STK32B: variants seen among roughly 807,000 people sequenced by gnomAD.
STK32B encodes the protein serine/threonine-protein kinase 32B.
In STK32B, 43 loss-of-function variants were observed where a neutral mutation model predicts 52.6. That is an observed-to-expected ratio of 0.82 (90% CI 0.64 to 1.05). STK32B has a LOEUF of 1.05. Ranked by LOEUF, STK32B falls within the 50% of genes least tolerant of loss-of-function variation. The probability of loss-of-function intolerance (pLI) is 0.00; values close to 1 mark genes in which losing one functional copy is unlikely to be tolerated. For missense variants in STK32B, 621 were observed against 534.6 expected (o/e 1.16, Z -1.59); for synonymous variants, 238 against 204.3 (o/e 1.17, Z -1.41).
intron 4 of STK32B, among the ~76,000 whole-genome samples, chr4:5,333,176 A>G (rs1250960568): frequency 6.6e-6 from 1 of 152,018 alleles, no homozygotes; most frequent in Non-Finnish European, 1.5e-5. Context: ...TGACTTTTTA[A>G]TGATTGCCAT....
intron 4 of STK32B, among the ~76,000 whole-genome samples, chr4:5,397,627 C>T (rs1222706946): frequency 6.6e-6 from 1 of 152,192 alleles, no homozygotes; most frequent in Non-Finnish European, 1.5e-5. Context: ...ATCTCTGTTG[C>T]GTGCTCCTCT....
the STK32B span, among the ~76,000 whole-genome samples, chr4:5,035,979 G>A: frequency 9.2e-5 from 14 of 151,814 alleles, no homozygotes; most frequent in African/African-American, 2.4e-4. Context: ...ACAGAGTTTC[G>A]CCATGTTGTT....
At chr4:5,137,934 G>GT (rs11434785) in intron 1 of STK32B, among the ~76,000 whole-genome samples, 34,441 of 152,044 alleles carry the variant, frequency 0.23, 5,792 homozygotes, top group African/African-American at 0.48. Context: ...CAGGGAACCC[G>GT]TGATGTTCAT....
intron 4 of STK32B, among the ~76,000 whole-genome samples, chr4:5,335,403 T>G (rs1318180823): frequency 6.6e-6 from 1 of 152,148 alleles, no homozygotes. Context: ...GGTCTATCAG[T>G]TTTGTTGATC....
chr4:5,246,980 C>T (rs896765627), intron 3 of STK32B, among the ~76,000 whole-genome samples: 1 of 152,152 alleles, frequency 6.6e-6, no homozygotes, highest in South Asian at 2.1e-4. Flanking sequence ...CCGGTCCGCC[C>T]CTACTGGGGG....
intron 4 of STK32B, among the ~76,000 whole-genome samples, chr4:5,369,493 G>C (rs1735090134): frequency 6.6e-6 from 1 of 152,078 alleles, no homozygotes; most frequent in South Asian, 2.1e-4. Flanking sequence ...GCAGCCAGGG[G>C]ACAGAATGCA....
chr4:5,100,000 T>A (rs1402266086), intron 1 of STK32B, among the ~76,000 whole-genome samples: 80 of 139,690 alleles, frequency 5.7e-4, no homozygotes, highest in African/African-American at 1.8e-3. Flanking sequence ...TTCAGTTCTT[T>A]AAAAAAAAAA....
chr4:5,446,846 C>A, intron 7 of STK32B, 70 bp downstream of exon 7: 2 of 1,505,474 alleles, frequency 1.3e-6, no homozygotes, highest in South Asian at 1.1e-5. Flanking sequence ...CCTGGACGGG[C>A]AGAGTCGGCA....
intron 3 of STK32B, among the ~76,000 whole-genome samples, chr4:5,200,108 C>A (rs1722013087): frequency 6.6e-6 from 1 of 152,116 alleles, no homozygotes; most frequent in African/African-American, 2.4e-5. Context: ...GTCTCAGTTT[C>A]ATCATCTGTC....
chr4:5,405,405 G>A (rs1236402909), intron 5 of STK32B, among the ~76,000 whole-genome samples: 8 of 152,124 alleles, frequency 5.3e-5, no homozygotes, highest in Non-Finnish European at 2.9e-5. Flanking sequence ...CCTTGGTGAG[G>A]GAGTGCTATG....
chr4:5,474,679 A>C (rs1017631156), intron 11 of STK32B, among the ~76,000 whole-genome samples: 1 of 152,188 alleles, frequency 6.6e-6, no homozygotes, highest in African/African-American at 2.4e-5. Context: ...GTTCAAACTT[A>C]ATAGAAAAGG....
intron 5 of STK32B, among the ~76,000 whole-genome samples, chr4:5,405,541 T>C (rs1369038911): frequency 6.6e-6 from 1 of 151,994 alleles, no homozygotes; most frequent in Non-Finnish European, 1.5e-5. Flanking sequence ...TGAGAGTGGG[T>C]AATTTATGAA....
chr4:5,095,815 G>T (rs142643743), intron 1 of STK32B, among the ~76,000 whole-genome samples: 1 of 152,146 alleles, frequency 6.6e-6, no homozygotes, highest in African/African-American at 2.4e-5. Context: ...CAACATACGC[G>T]ATGTGTTTCA....
rs906321173 is a variant in STK32B at position 5,386,114 on chromosome 4, C to T, written c.435-12093C>T. ...GCAGAGCTCCACCCACAGGCCCCACCCACAGCTCTTGGCCCACAGTTCCTG... is the reference window on the plus strand; with the variant it reads ...GCAGAGCTCCACCCACAGGCCCCACTCACAGCTCTTGGCCCACAGTTCCTG... On this transcript the variant is annotated intron_variant, in intron 4 of 11. Transcript: ENST00000282908. This position sits in a 1 kb window ranked among gnomAD's most constrained non-coding sequence, Gnocchi z 4.5. Among the ~76,000 whole-genome samples, 2 of 151,646 alleles carry T rather than the reference C, an allele frequency of 1.3e-5. No individual in the cohort carries two copies. Among genetic ancestry groups the T allele is most frequent in the Non-Finnish European group, 2.9e-5 (2 of 67,924 alleles).
At chr4:5,032,996 G>A in the STK32B span, among the ~76,000 whole-genome samples, 8 of 152,122 alleles carry the variant, frequency 5.3e-5, no homozygotes, top group Non-Finnish European at 1.2e-4. Context: ...CTCACATGGG[G>A]CTGAGAGAGG....
At chr4:5,432,300 C>T (rs958629738) in intron 6 of STK32B, 15 of 152,202 alleles carry the variant, frequency 9.9e-5, no homozygotes, top group African/African-American at 3.6e-4. Flanking sequence ...ACATGCTAAT[C>T]CCTTTGAATC....
rs1259638390 is a variant in STK32B, at chr4:5,460,981, G to A, written c.909+753G>A. ...GATTTACATTTTAAAGGAGGGTTCT[G>A]GCAGGAGCTGGAGGCTCCTGGGTCC... On this transcript the variant is annotated intron_variant, in intron 9 of 11. Transcript: ENST00000282908. This position sits in a 1 kb window ranked among gnomAD's most constrained non-coding sequence, Gnocchi z 4.8. Among the ~76,000 whole-genome samples, 1 of 152,154 alleles carries A rather than the reference G, an allele frequency of 6.6e-6. No homozygotes were observed. Among genetic ancestry groups the A allele is most frequent in the African/African-American group, 2.4e-5 (1 of 41,432 alleles).
At chr4:5,112,290 A>G (rs1714446202) in intron 1 of STK32B, among the ~76,000 whole-genome samples, 1 of 152,028 alleles carries the variant, frequency 6.6e-6, no homozygotes, top group Non-Finnish European at 1.5e-5. Flanking sequence ...ATGTAGATCT[A>G]TATAAAAAGA....
chr4:5,423,096 C>T (rs1160939624), intron 6 of STK32B, among the ~76,000 whole-genome samples: 1 of 152,072 alleles, frequency 6.6e-6, no homozygotes, highest in Non-Finnish European at 1.5e-5. Flanking sequence ...CCTAGGGAAC[C>T]AGTGGAAGGT....
Sources: gnomAD v4.1 joint callset for allele counts (sites outside exome capture counted in the v4.1 genomes callset) on GRCh38, gnomAD v4.1.1 for gene constraint, Gnocchi (gnomAD v3.1) non-coding constraint, MANE v1.5 for transcripts, NCBI Gene and HGNC (gene_info 2026-07-23, HGNC 2026-07-21) for gene names.